Variants in ZNF536 observed in about 807,000 individuals in gnomAD.
ZNF536 encodes the protein zinc finger protein 536.
A neutral mutation model predicts 84.5 loss-of-function variants in ZNF536; 13 were observed. That is an observed-to-expected ratio of 0.15 (90% CI 0.10 to 0.24). The LOEUF is 0.24. Ranked by LOEUF, ZNF536 falls within the 10% of genes least tolerant of loss-of-function variation. The pLI is 1.00. For missense variants in ZNF536, 1,536 were observed against 1,747.5 expected (o/e 0.88, Z 2.16); for synonymous variants, 811 against 742.5 (o/e 1.09, Z -1.50).
intron 1 of ZNF536, among the ~76,000 whole-genome samples, chr19:30,704,829 T>C (rs1489113210): frequency 6.6e-6 from 1 of 151,902 alleles, no homozygotes; most frequent in Non-Finnish European, 1.5e-5. Flanking sequence ...CGCGGTGTTG[T>C]TCCATGGGCC....
rs2146180851 is a variant in ZNF536 at position 30,548,072 on chromosome 19, A to G, written c.2453A>G (p.Asn818Ser). The G allele has an allele frequency of 6.2e-7, 1 of 1,614,138 alleles. No individual in the cohort carries two copies. The highest frequency in any genetic ancestry group is 8.5e-7 in the Non-Finnish European group (1 of 1,180,016). The change falls in exon 4 of 5, where the codon AAT becomes AGT. Residue 818 changes from asparagine to serine, a missense_variant. Coordinates refer to ENST00000355537, the MANE Select transcript of ZNF536 (RefSeq NM_014717.3). ...GGGCCGCTGTCTGGGCAACCCCCAA[A>G]TCAAGACCACAAGGATGAGATGTCA... ...GAGPLSGQPP[N>S]QDHKDEMSSK...
intron 2 of ZNF536, among the ~76,000 whole-genome samples, chr19:30,501,267 T>G (rs2054939389): frequency 6.6e-6 from 1 of 152,200 alleles, no homozygotes. Flanking sequence ...GTTTCAAGCA[T>G]GACTTCTCAT....
intron 2 of ZNF536, among the ~76,000 whole-genome samples, chr19:30,344,308 C>T (rs543307912): frequency 8.3e-5 from 3 of 36,054 alleles, no homozygotes; most frequent in Non-Finnish European, 1.4e-4. Context: ...AATATATTGG[C>T]GGCCTCCTAT....
At chr19:30,505,996 T>G (rs1052192911) in intron 2 of ZNF536, among the ~76,000 whole-genome samples, 6 of 151,790 alleles carry the variant, frequency 4.0e-5, no homozygotes, top group African/African-American at 1.5e-4. Flanking sequence ...TCTTCATCTG[T>G]TGATTTTTTT....
chr19:30,671,388 A>G (rs1200063409), intron 1 of ZNF536, among the ~76,000 whole-genome samples: 1 of 152,198 alleles, frequency 6.6e-6, no homozygotes, highest in Non-Finnish European at 1.5e-5. Flanking sequence ...TCTGTCCTAG[A>G]GCAAATGCAG....
intron 1 of ZNF536, among the ~76,000 whole-genome samples, chr19:30,229,688 A>G (rs1296118023): frequency 6.6e-6 from 1 of 152,216 alleles, no homozygotes; most frequent in African/African-American, 2.4e-5. Flanking sequence ...TTATGATGTC[A>G]TTCTGATAGC....
chr19:30,577,306 C>G (rs1281978585), intron 1 of ZNF536, among the ~76,000 whole-genome samples: 2 of 151,928 alleles, frequency 1.3e-5, no homozygotes, highest in African/African-American at 4.8e-5. Context: ...GAGTTATAAA[C>G]CCCCGAAAAA....
chr19:30,452,263 T>C (rs376361022), intron 2 of ZNF536, among the ~76,000 whole-genome samples: 1 of 152,260 alleles, frequency 6.6e-6, no homozygotes, highest in Non-Finnish European at 1.5e-5. Flanking sequence ...AGAGGGCAGA[T>C]TGGGGTCCTT....
At chr19:30,447,109 A>G (rs2052386886) in intron 2 of ZNF536, among the ~76,000 whole-genome samples, 2 of 152,246 alleles carry the variant, frequency 1.3e-5, no homozygotes, top group Admixed American at 1.3e-4. Context: ...AGACAGTTTG[A>G]GGCACCTCGA....
intron 1 of ZNF536, chr19:30,665,218 C>T (rs149087296): frequency 0.011 from 1,721 of 152,266 alleles, 36 homozygotes; most frequent in African/African-American, 0.039. Context: ...TAGCACATGC[C>T]TGTAATCCCA....
At position 30,635,264 on chromosome 19, in the gene ZNF536, G is replaced by T. The variant is rs565411623; in HGVS notation, c.170-75493G>T. ...GCATATGGCGTGGATTGGAGATGGTGCAGTGTTGGCACAGCCCTTCTGCTG... is the reference window on the plus strand; with the variant it reads ...GCATATGGCGTGGATTGGAGATGGTTCAGTGTTGGCACAGCCCTTCTGCTG... On this transcript the variant is annotated intron_variant, in intron 1 of 1. Transcript: ENST00000592773. Among the ~76,000 whole-genome samples, 107 of 152,356 alleles carry T rather than the reference G, an allele frequency of 7.0e-4. 1 individual carries two copies. The South Asian group carries it at 0.014, about 20-fold the overall frequency.
chr19:30,257,351 A>G (rs1234340970), intron 1 of ZNF536, among the ~76,000 whole-genome samples: 1 of 152,244 alleles, frequency 6.6e-6, no homozygotes, highest in Non-Finnish European at 1.5e-5. Context: ...CAAAAGCCAC[A>G]TTTATCTTTT....
chr19:30,596,315 A>G (rs1454663279), intron 1 of ZNF536, among the ~76,000 whole-genome samples: 2 of 152,256 alleles, frequency 1.3e-5, no homozygotes, highest in African/African-American at 2.4e-5. Context: ...GTATTTTTTA[A>G]TAAAAGAACG....
At chr19:30,575,178 C>G (rs768554346) in intron 1 of ZNF536, among the ~76,000 whole-genome samples, 1 of 152,210 alleles carries the variant, frequency 6.6e-6, no homozygotes, top group South Asian at 2.1e-4. Context: ...GATGGAACAT[C>G]TCTCCTATGC....
At chr19:30,331,850 T>C (rs944225545) in intron 2 of ZNF536, among the ~76,000 whole-genome samples, 4 of 152,100 alleles carry the variant, frequency 2.6e-5, no homozygotes, top group Non-Finnish European at 5.9e-5. Flanking sequence ...CAGGGGACCT[T>C]GTCTTCCCGC....
chr19:30,695,171 T>C (rs551278288), intron 1 of ZNF536, among the ~76,000 whole-genome samples: 1 of 151,982 alleles, frequency 6.6e-6, no homozygotes, highest in Admixed American at 6.5e-5. Context: ...ACAGACCAGG[T>C]AGGGACAGTG....
At chr19:30,340,152 T>C (rs1272680478) in intron 2 of ZNF536, among the ~76,000 whole-genome samples, 1 of 152,168 alleles carries the variant, frequency 6.6e-6, no homozygotes, top group Admixed American at 6.5e-5. Context: ...TCTCGTGGGC[T>C]GACTTGCAGA....
chr19:30,483,968 C>A (rs1568475339), intron 2 of ZNF536, among the ~76,000 whole-genome samples: 2 of 151,986 alleles, frequency 1.3e-5, no homozygotes, highest in African/African-American at 4.8e-5. Context: ...TACTGGAAAT[C>A]CCCCTCTACC....
exon 2 of ZNF536, chr19:30,711,255 TTTCAAAAATTCTTG>T (rs1426144467): frequency 2.0e-5 from 3 of 152,108 alleles, no homozygotes; most frequent in African/African-American, 7.2e-5. Flanking sequence ...AGAAAAGTGA[TTTCAAAAATTCTTG>T]GTGCCCTCTG....
Sources: gnomAD v4.1 joint callset for allele counts (sites outside exome capture counted in the v4.1 genomes callset) on GRCh38, gnomAD v4.1.1 for gene constraint, MANE v1.5 for transcripts, NCBI Gene and HGNC (gene_info 2026-07-23, HGNC 2026-07-21) for gene names.